The following ARL15 variants were observed in gnomAD, a reference collection of about 807,000 sequenced individuals.
ARL15 encodes the protein ADP-ribosylation factor-like protein 15.
In ARL15, 19 loss-of-function variants were observed where a neutral mutation model predicts 25.2. That is an observed-to-expected ratio of 0.75 (90% CI 0.53 to 1.10). ARL15 has a LOEUF of 1.10. Ranked by LOEUF, ARL15 falls within the 50% of genes least tolerant of loss-of-function variation. The pLI is 0.00. For synonymous variants in ARL15, 94 were observed against 86.8 expected (o/e 1.08, Z -0.46); for missense variants, 220 against 246.0 (o/e 0.89, Z 0.71).
chr5:54,277,096 T>A (rs1243153357), intron 1 of ARL15, among the ~76,000 whole-genome samples: 1 of 152,176 alleles, frequency 6.6e-6, no homozygotes, highest in African/African-American at 2.4e-5. Context: ...CCCAATTGAA[T>A]TAGGGTAGGA....
At chr5:54,179,975 G>A (rs1755007438) in intron 1 of ARL15, among the ~76,000 whole-genome samples, 1 of 146,736 alleles carries the variant, frequency 6.8e-6, no homozygotes, top group Admixed American at 7.0e-5. Context: ...CTGAGATCGC[G>A]CCACTGCTCT....
chr5:54,033,307 C>T (rs1347108870), intron 4 of ARL15, among the ~76,000 whole-genome samples: 10 of 151,104 alleles, frequency 6.6e-5, no homozygotes, highest in Non-Finnish European at 1.5e-4. Flanking sequence ...AGCAAGACTC[C>T]GTCTCAAAAA....
intron 1 of ARL15, among the ~76,000 whole-genome samples, chr5:54,298,819 C>T (rs1225104818): frequency 6.6e-6 from 1 of 152,016 alleles, no homozygotes; most frequent in Admixed American, 6.6e-5. Context: ...TGACATCACA[C>T]TCTCCAGGTT....
intron 4 of ARL15, among the ~76,000 whole-genome samples, chr5:54,009,506 T>A (rs1749163329): frequency 6.6e-6 from 1 of 152,162 alleles, no homozygotes; most frequent in African/African-American, 2.4e-5. Flanking sequence ...ATTTGCTAGG[T>A]AGGTAACTGT....
intron 4 of ARL15, among the ~76,000 whole-genome samples, chr5:53,959,199 A>G (rs1343308190): frequency 2.6e-5 from 4 of 152,252 alleles, no homozygotes; most frequent in Admixed American, 2.6e-4. Context: ...GGTAAAAATT[A>G]TTACAATTTT....
At chr5:53,960,359 C>A (rs1366426824) in intron 4 of ARL15, among the ~76,000 whole-genome samples, 1 of 152,132 alleles carries the variant, frequency 6.6e-6, no homozygotes. Context: ...TATTGTGACC[C>A]TTGATGACAG....
At chr5:54,219,038 T>A (rs530450641) in intron 1 of ARL15, among the ~76,000 whole-genome samples, 1 of 151,782 alleles carries the variant, frequency 6.6e-6, no homozygotes, top group South Asian at 2.1e-4. Context: ...ACAGAAAACA[T>A]GTAAATGACA....
intron 4 of ARL15, among the ~76,000 whole-genome samples, chr5:53,983,136 T>A (rs980723081): frequency 7.2e-5 from 11 of 152,204 alleles, no homozygotes; most frequent in Non-Finnish European, 1.2e-4. Flanking sequence ...TATAGTATTA[T>A]GTAGATAATA....
At chr5:54,280,837 A>G (rs1758040036) in intron 1 of ARL15, among the ~76,000 whole-genome samples, 1 of 152,166 alleles carries the variant, frequency 6.6e-6, no homozygotes, top group South Asian at 2.1e-4. Flanking sequence ...CTAGGCCTCT[A>G]AAGGGAAAAT....
chr5:54,051,095 T>C (rs547482891), intron 4 of ARL15, among the ~76,000 whole-genome samples: 34 of 152,290 alleles, frequency 2.2e-4, no homozygotes, highest in Admixed American at 7.8e-4. Context: ...TGCTTAATGA[T>C]TAGTAAGCTT....
intron 1 of ARL15, among the ~76,000 whole-genome samples, chr5:54,240,217 ACTCCAT>A (rs1756922348): frequency 7.3e-6 from 1 of 137,648 alleles, no homozygotes; most frequent in African/African-American, 2.7e-5. Flanking sequence ...ACAGAGCGAG[ACTCCAT>A]CTCAAAAATA....
At chr5:54,210,275 A>T (rs1043520669) in intron 1 of ARL15, among the ~76,000 whole-genome samples, 1 of 152,174 alleles carries the variant, frequency 6.6e-6, no homozygotes, top group Non-Finnish European at 1.5e-5. Flanking sequence ...CAATCAAATT[A>T]TAATTTTCTT....
intron 4 of ARL15, among the ~76,000 whole-genome samples, chr5:53,950,439 CAG>C (rs1174312367): frequency 6.6e-6 from 1 of 152,110 alleles, no homozygotes; most frequent in Non-Finnish European, 1.5e-5. Flanking sequence ...GGACTGGAGA[CAG>C]AGGGGGAATC....
At chr5:54,121,939 T>C (rs1753090476) in intron 3 of ARL15, among the ~76,000 whole-genome samples, 1 of 152,228 alleles carries the variant, frequency 6.6e-6, no homozygotes, top group Non-Finnish European at 1.5e-5. Context: ...TGGATGTTAC[T>C]ATTATCATTT....
intron 1 of ARL15, among the ~76,000 whole-genome samples, chr5:54,198,798 T>A (rs2112476522): frequency 6.6e-6 from 1 of 151,074 alleles, no homozygotes; most frequent in South Asian, 2.1e-4. Flanking sequence ...AAAAACTACT[T>A]TAAAGTTCAT....
chr5:54,025,067 T>C (rs532417576), intron 4 of ARL15, among the ~76,000 whole-genome samples: 1 of 151,772 alleles, frequency 6.6e-6, no homozygotes, highest in Non-Finnish European at 1.5e-5. Flanking sequence ...CCAATAAAGA[T>C]AAAGGAAAAG....
chr5:53,946,428 C>A (rs369400330), intron 4 of ARL15, among the ~76,000 whole-genome samples: 17 of 118,218 alleles, frequency 1.4e-4, no homozygotes, highest in African/African-American at 5.6e-4. Flanking sequence ...CCAGTCTGGG[C>A]GACAGAGCAA....
chr5:54,101,463 T>C (rs1262989597), intron 4 of ARL15, among the ~76,000 whole-genome samples: 1 of 151,722 alleles, frequency 6.6e-6, no homozygotes, highest in Non-Finnish European at 1.5e-5. Context: ...AAAATTATTT[T>C]CTGCATCTAC....
chr5:53,939,659 C>A (rs1276546054), intron 4 of ARL15, among the ~76,000 whole-genome samples: 1 of 151,560 alleles, frequency 6.6e-6, no homozygotes, highest in Non-Finnish European at 1.5e-5. Context: ...TGCTTGAACC[C>A]GGGAGGTGGT....
Sources: gnomAD v4.1 joint callset for allele counts (sites outside exome capture counted in the v4.1 genomes callset) on GRCh38, gnomAD v4.1.1 for gene constraint, MANE v1.5 for transcripts, NCBI Gene and HGNC (gene_info 2026-07-23, HGNC 2026-07-21) for gene names.